Variants in ERLIN2 observed in about 807,000 individuals in gnomAD.
ERLIN2 encodes erlin-2.
ERLIN2 carries 22 observed loss-of-function variants against 41.5 expected under a neutral mutation model. The observed-to-expected ratio is 0.53, with a 90% confidence interval of 0.38 to 0.76. The LOEUF (loss-of-function observed/expected upper bound fraction) is 0.76. Ranked by LOEUF, ERLIN2 falls within the 30% of genes least tolerant of loss-of-function variation. The pLI, the probability that ERLIN2 is intolerant of heterozygous loss-of-function variation, is 0.00. For missense variants in ERLIN2, 247 were observed against 414.3 expected (o/e 0.60, Z 3.51); for synonymous variants, 149 against 150.9 (o/e 0.99, Z 0.09).
chr8:37,738,156 G>C, intron 2 of ERLIN2, 127 bp downstream of exon 2: 1 of 1,043,414 alleles, frequency 9.6e-7, no homozygotes, highest in Non-Finnish European at 1.5e-6. Context: ...AGCCTTTTCA[G>C]ATGGAGCTTT....
rs1341562194 is a variant in ERLIN2, at chr8:37,741,604, T to G, written c.190-168T>G. Among the ~76,000 whole-genome samples the G allele has an allele frequency of 6.6e-6, 1 of 152,220 alleles. No individual in the cohort carries two copies. Among genetic ancestry groups the G allele is most frequent in the Non-Finnish European group, 1.5e-5 (1 of 68,044 alleles). On this transcript the variant is annotated intron_variant, in intron 3 of 11. Transcript: ENST00000519638. This position sits in a 1 kb window ranked among gnomAD's most constrained non-coding sequence, Gnocchi z 4.8. ...TGAGGCTGGGGCACGGGCCTTTACT[T>G]GGCTTAGCAACCCTGTGAGGAAGGA...
chr8:37,738,206 C>T (rs553198503), intron 2 of ERLIN2, among the ~76,000 whole-genome samples, 177 bp downstream of exon 2: 2 of 152,270 alleles, frequency 1.3e-5, no homozygotes, highest in African/African-American at 4.8e-5. Flanking sequence ...CACACACACA[C>T]ATATATATGT....
intron 1 of ERLIN2, chr8:37,736,919 G>C (rs980537514): frequency 2.0e-6 from 2 of 985,884 alleles, no homozygotes; most frequent in Non-Finnish European, 2.4e-6. Flanking sequence ...CTCGGAACGG[G>C]GCGGGGAAGG....
chr8:37,754,145 T>C lies in ERLIN2; in HGVS notation c.*30T>C. 2 of 1,466,312 alleles carry C rather than the reference T, an allele frequency of 1.4e-6. No individual in the cohort carries two copies. Among genetic ancestry groups the C allele is most frequent in the African/African-American group, 2.8e-5 (2 of 71,982 alleles). The allele number at this position is 1,466,312 out of a possible 1,614,324, so 90.8% of individuals were successfully genotyped here. On this transcript the variant is annotated 3_prime_UTR_variant, in exon 12 of 12. Coordinates refer to ENST00000519638, the MANE Select transcript of ERLIN2 (RefSeq NM_007175.8). ...AACTTGATATGACTGCAAATGATAC[T>C]TAAGCAGATCTTTATTTTTTAAGAT...
chr8:37,750,822 A>G (rs571358416), intron 9 of ERLIN2, among the ~76,000 whole-genome samples: 1 of 152,216 alleles, frequency 6.6e-6, no homozygotes, highest in East Asian at 1.9e-4. Flanking sequence ...CTCAGGTTCA[A>G]GTGATTCTCC....
At chr8:37,744,952 A>G in intron 6 of ERLIN2, 1 of 625,536 alleles carries the variant, frequency 1.6e-6, no homozygotes, top group South Asian at 1.9e-5. Context: ...TTCTGGCCTC[A>G]ATCAGAGGCT....
At chr8:37,738,054 G>A (rs770390076) in intron 2 of ERLIN2, 25 bp downstream of exon 2, 7 of 1,613,558 alleles carry the variant, frequency 4.3e-6, no homozygotes, top group East Asian at 2.2e-5. Flanking sequence ...GGGAGAAGCC[G>A]GCAACTTCCT....
At chr8:37,743,027 G>A (rs2129669722) in intron 4 of ERLIN2, among the ~76,000 whole-genome samples, 1 of 152,256 alleles carries the variant, frequency 6.6e-6, no homozygotes. Context: ...TTTAAACTGG[G>A]ATAGAGTGAC....
At chr8:37,738,681 AT>A (rs1802743453) in intron 2 of ERLIN2, among the ~76,000 whole-genome samples, 1 of 152,068 alleles carries the variant, frequency 6.6e-6, no homozygotes, top group Non-Finnish European at 1.5e-5. Context: ...AGCCCAGGAG[AT>A]TGAGACCAGC....
At position 37,745,937 on chromosome 8, in the gene ERLIN2, G is replaced by A. The variant is rs1053380190; in HGVS notation, c.424+1241G>A. On this transcript the variant is annotated intron_variant, in intron 6 of 11. Coordinates refer to ENST00000519638, the MANE Select transcript of ERLIN2 (RefSeq NM_007175.8). ...TGTGACATTACATGAACATTTCAAA[G>A]CACTGAAAAAAGACAAAGGATCCCT... is the stretch of plus-strand genomic sequence containing the variant. 17 of 1,088,700 alleles carry A rather than the reference G, an allele frequency of 1.6e-5. No individual in the cohort carries two copies. In the African/African-American group the frequency reaches 2.8e-4, roughly 18 times the overall value. The allele number at this position is 1,088,700 out of a possible 1,614,324, so 67.4% of individuals were successfully genotyped here. A position where few individuals can be genotyped will look rare whatever the true frequency, so the allele number is the denominator to read the frequency against.
rs1803335362 is a variant in ERLIN2 at position 37,755,556 on chromosome 8, CCCCCCACCCCCCA to C, written c.*1447_*1459del. 5.1e-5 allele frequency: 1 copy of C among 19,748 alleles called. No individual in the cohort carries two copies. The highest frequency in any genetic ancestry group is 1.9e-3 in the South Asian group (1 of 532). The allele number at this position is 19,748 out of a possible 1,614,324, so 1.2% of individuals were successfully genotyped here. A position where few individuals can be genotyped will look rare whatever the true frequency, so the allele number is the denominator to read the frequency against. ...TGGCCCTGTTATGAGCTGACCCCCA[CCCCCCACCCCCCA>C]CCCCCCCCCCCCGCCAACTCCTATA... On this transcript the variant is annotated 3_prime_UTR_variant, in exon 12 of 12. Transcript: ENST00000519638.
intron 6 of ERLIN2, chr8:37,747,433 C>T (rs563402214): frequency 3.7e-6 from 6 of 1,610,326 alleles, no homozygotes; most frequent in South Asian, 1.1e-5. Flanking sequence ...CATGCCTTTG[C>T]GCTCCAGCTG....
Position 37,753,029 on chromosome 8 carries a change from T to C in ERLIN2, c.740-421T>C, listed in dbSNP as rs530849832. On this transcript the variant is annotated intron_variant, in intron 10 of 11. Coordinates refer to ENST00000519638, the MANE Select transcript of ERLIN2 (RefSeq NM_007175.8). ...CCTTTGAGCTTTCCTGCTTTTGCTA[T>C]GTAGCACAAGAGGGAGGAGTGGAGA... Among the ~76,000 whole-genome samples the C allele has an allele frequency of 2.6e-5, 4 of 152,342 alleles. No homozygotes were observed. In the South Asian group the frequency reaches 8.3e-4, roughly 32 times the overall value.
intron 4 of ERLIN2, 53 bp from the exon 5 acceptor site, chr8:37,744,302 G>A (rs1802958249): frequency 2.8e-6 from 4 of 1,453,464 alleles, no homozygotes; most frequent in African/African-American, 1.4e-5. Flanking sequence ...CTGGGGGACT[G>A]CACCATATTC....
Position 37,751,724 on chromosome 8 carries a change from A to T in ERLIN2, c.739+9A>T. On this transcript the variant is annotated intron_variant, in intron 10 of 11. Transcript: ENST00000519638. The stretch of plus-strand genomic sequence containing the variant: ...GATTTCAGAAATTGAAGGTAAGCAG[A>T]AGTGGCAGTCATGCCTGAGTCCTCC... 6.2e-7 allele frequency: 1 copy of T among 1,610,054 alleles called. No homozygotes were observed. Among genetic ancestry groups the T allele is most frequent in the East Asian group, 2.2e-5 (1 of 44,856 alleles).
chr8:37,739,226 C>T (rs557851182), intron 2 of ERLIN2, among the ~76,000 whole-genome samples: 2 of 152,310 alleles, frequency 1.3e-5, no homozygotes, highest in Admixed American at 6.5e-5. Context: ...AATTCTTTCT[C>T]CCCATCATCT....
At chr8:37,750,520 G>A (rs1362972495) in intron 9 of ERLIN2, 34 bp downstream of exon 9, 1 of 1,556,866 alleles carries the variant, frequency 6.4e-7, no homozygotes, top group Non-Finnish European at 8.8e-7. Flanking sequence ...CCCTTTCCAG[G>A]CAGAAAGGCT....
At position 37,741,842 on chromosome 8, in the gene ERLIN2, T is replaced by G; in HGVS notation, c.236+24T>G. On this transcript the variant is annotated intron_variant, in intron 4 of 11. Transcript: ENST00000519638. This position sits in a 1 kb window ranked among gnomAD's most constrained non-coding sequence, Gnocchi z 4.8. ...AGGTAAGGTACCCAGAATAAAGCTT[T>G]TAAGCCCAAATAAGTCAGAGAAAAG... 6.3e-7 allele frequency: 1 copy of G among 1,594,510 alleles called. No homozygotes were observed.
At chr8:37,751,993 C>T (rs1313923866) in intron 10 of ERLIN2, among the ~76,000 whole-genome samples, 1 of 152,202 alleles carries the variant, frequency 6.6e-6, no homozygotes, top group African/African-American at 2.4e-5. Context: ...AAGGAAGTCC[C>T]GTAGACCCTG....
Sources: gnomAD v4.1 joint callset for allele counts (sites outside exome capture counted in the v4.1 genomes callset) on GRCh38, gnomAD v4.1.1 for gene constraint, Gnocchi (gnomAD v3.1) non-coding constraint, MANE v1.5 for transcripts, NCBI Gene and HGNC (gene_info 2026-07-23, HGNC 2026-07-21) for gene names.